The following KANK1 variants were observed in gnomAD, a reference collection of about 807,000 sequenced individuals.
KANK1 encodes KN motif and ankyrin repeat domain-containing protein 1.
Under a neutral mutation model 106.2 loss-of-function variants are expected in KANK1, and 109 were observed. That is an observed-to-expected ratio of 1.03 (90% CI 0.88 to 1.20). KANK1 has a LOEUF of 1.20. KANK1 is among the 50% of genes most tolerant of loss of function. The pLI, the probability that KANK1 is intolerant of heterozygous loss-of-function variation, is 0.00. For missense variants in KANK1, 2,399 were observed against 1,710.7 expected (o/e 1.40, Z -7.10); for synonymous variants, 873 against 652.2 (o/e 1.34, Z -5.16).
chr9:516,650 T>A (rs2059289536), intron 1 of KANK1, among the ~76,000 whole-genome samples: 1 of 151,560 alleles, frequency 6.6e-6, no homozygotes, highest in East Asian at 1.9e-4. Context: ...GCAGAGACAC[T>A]GGCTTGAGGA....
chr9:733,090 A>G (rs1170173666), intron 6 of KANK1: 1 of 153,334 alleles, frequency 6.5e-6, no homozygotes, highest in East Asian at 1.9e-4. Context: ...ACATGTTTGT[A>G]TTTTGTTACA....
intron 1 of KANK1, among the ~76,000 whole-genome samples, chr9:669,449 C>G (rs1488635213): frequency 6.6e-6 from 1 of 152,114 alleles, no homozygotes; most frequent in Non-Finnish European, 1.5e-5. Context: ...GACTATCTCT[C>G]CTTCATACTT....
At chr9:508,912 T>C (rs1164946044) in intron 1 of KANK1, among the ~76,000 whole-genome samples, 2 of 152,194 alleles carry the variant, frequency 1.3e-5, no homozygotes, top group African/African-American at 4.8e-5. Flanking sequence ...TTTGTACAAA[T>C]TCTATTCAGA....
intron 1 of KANK1, among the ~76,000 whole-genome samples, chr9:585,483 G>T (rs1234357775): frequency 6.6e-6 from 1 of 152,130 alleles, no homozygotes; most frequent in Non-Finnish European, 1.5e-5. Flanking sequence ...AATAAAAGAC[G>T]CTTACCTTAA....
chr9:640,293 G>C (rs917510267), intron 1 of KANK1, among the ~76,000 whole-genome samples: 1 of 152,030 alleles, frequency 6.6e-6, no homozygotes, highest in African/African-American at 2.4e-5. Flanking sequence ...CTGGGCTGGA[G>C]TGTGTGATCT....
chr9:486,451 TCACAACTGC>T (rs1000231703), intron 3 of KANK1, among the ~76,000 whole-genome samples: 15 of 152,186 alleles, frequency 9.9e-5, no homozygotes, highest in African/African-American at 3.6e-4. Flanking sequence ...CATTTAATCT[TCACAACTGC>T]CTTATGGGGT....
chr9:478,087 T>A, intron 3 of KANK1: 1 of 216,096 alleles, frequency 4.6e-6, no homozygotes, highest in South Asian at 7.0e-5. Context: ...ACTTTCTGCC[T>A]CTGCCGTGAG....
intron 1 of KANK1, among the ~76,000 whole-genome samples, chr9:555,395 T>C (rs2061521988): frequency 6.6e-6 from 1 of 152,206 alleles, no homozygotes. Context: ...GTGTCAGCTT[T>C]GTGATGATAA....
At chr9:727,518 G>C (rs1242336052) in intron 3 of KANK1, among the ~76,000 whole-genome samples, 1 of 151,982 alleles carries the variant, frequency 6.6e-6, no homozygotes, top group African/African-American at 2.4e-5. Flanking sequence ...GTTTCACCAT[G>C]TTGGCCAGGC....
At chr9:698,754 G>C (rs1258448864) in intron 2 of KANK1, among the ~76,000 whole-genome samples, 1 of 152,138 alleles carries the variant, frequency 6.6e-6, no homozygotes, top group Non-Finnish European at 1.5e-5. Context: ...TGGTGCAAAG[G>C]AGTTTGTTAT....
chr9:730,529 T>TA, intron 4 of KANK1: 1 of 384,760 alleles, frequency 2.6e-6, no homozygotes, highest in South Asian at 2.2e-5. Context: ...CCATCTCTAC[T>TA]AAAAAATACA....
intron 1 of KANK1, among the ~76,000 whole-genome samples, chr9:528,750 A>C (rs1247311045): frequency 6.6e-6 from 1 of 151,938 alleles, no homozygotes; most frequent in Non-Finnish European, 1.5e-5. Context: ...GGCCTCCCAA[A>C]GTGCTGGGAT....
At chr9:597,245 G>A (rs562171481) in intron 1 of KANK1, among the ~76,000 whole-genome samples, 2 of 151,922 alleles carry the variant, frequency 1.3e-5, no homozygotes, top group East Asian at 3.9e-4. Flanking sequence ...ACTTAGAGGT[G>A]TAATTGCTGG....
intron 1 of KANK1, among the ~76,000 whole-genome samples, chr9:532,573 C>T (rs557654450): frequency 6.6e-6 from 1 of 152,030 alleles, no homozygotes; most frequent in East Asian, 1.9e-4. Flanking sequence ...AACCATTCTA[C>T]GTTCTAACTG....
intron 1 of KANK1, among the ~76,000 whole-genome samples, chr9:641,027 T>G (rs955363806): frequency 4.6e-5 from 7 of 152,142 alleles, no homozygotes; most frequent in African/African-American, 1.7e-4. Flanking sequence ...TGCAGTGAAA[T>G]TTTAAAAGAG....
upstream of KANK1, chr9:504,569 C>T (rs1409114413): frequency 4.0e-5 from 6 of 151,656 alleles, no homozygotes; most frequent in Non-Finnish European, 7.4e-5. Context: ...CTGTCGCCCA[C>T]CGCGGGTGAG....
In KANK1 at chr9:711,077, C is replaced by T. The variant is rs1195238190; in HGVS notation, c.311C>T (p.Pro104Leu). ...SSNSDDNKQCPNFLIARSQVT... is the reference protein window; with the variant it reads ...SSNSDDNKQCLNFLIARSQVT... ...AACAGTGATGACAACAAGCAGTGCC[C>T]CAACTTCCTCATAGCCAGAAGTCAA... Residue 104 changes from proline to leucine, a missense_variant, in exon 3 of 12, where the codon CCC (proline) becomes CTC (leucine). Physicochemically the swap from Pro to Leu is moderately conservative, Grantham distance 98. Transcript: ENST00000382297. 1.9e-6 allele frequency: 3 copies of T among 1,614,156 alleles called. No individual in the cohort carries two copies. Among genetic ancestry groups the T allele is most frequent in the Non-Finnish European group, 1.7e-6 (2 of 1,180,028 alleles).
chr9:648,640 G>T (rs1235187927), intron 1 of KANK1, among the ~76,000 whole-genome samples: 1 of 152,180 alleles, frequency 6.6e-6, no homozygotes, highest in East Asian at 1.9e-4. Context: ...AGTAACAAAG[G>T]TAGAGTGTAA....
At chr9:707,497 G>A (rs940086765) in intron 2 of KANK1, among the ~76,000 whole-genome samples, 8 of 149,554 alleles carry the variant, frequency 5.3e-5, no homozygotes, top group Non-Finnish European at 1.5e-5. Flanking sequence ...GACAGGTCTG[G>A]CTGCTGCAGC....
Sources: allele counts gnomAD v4.1 joint callset (sites outside exome capture counted in the v4.1 genomes callset), GRCh38; gene constraint gnomAD v4.1.1; transcripts MANE v1.5; gene names NCBI Gene and HGNC (gene_info 2026-07-23, HGNC 2026-07-21).